ARHGEF10: variants seen among roughly 807,000 people sequenced by gnomAD.
ARHGEF10 encodes Rho guanine nucleotide exchange factor 10, also known as Rho guanine nucleotide exchange factor (GEF) 10.
In ARHGEF10, 140 loss-of-function variants were observed where a neutral mutation model predicts 147.4. That is an observed-to-expected ratio of 0.95 (90% CI 0.83 to 1.09). ARHGEF10 has a LOEUF of 1.09. Ranked by LOEUF, ARHGEF10 falls within the 50% of genes least tolerant of loss-of-function variation. The pLI is 0.00. For synonymous variants in ARHGEF10, 902 were observed against 695.8 expected, an observed-to-expected ratio of 1.30 and a Z score of -4.67; for missense variants, 2,222 against 1,752.7, an observed-to-expected ratio of 1.27 and a Z score of -4.78.
chr8:1,826,036 GTC>G (rs1435302071), intron 1 of ARHGEF10: 63 of 1,362,494 alleles, frequency 4.6e-5, no homozygotes, highest in Non-Finnish European at 6.2e-5. Flanking sequence ...GTCCCTGTCT[GTC>G]TCTCACAGCA....
chr8:1,832,658 A>AGAGACAGAGGCAGAGG, intron 1 of ARHGEF10, among the ~76,000 whole-genome samples: 3 of 83,818 alleles, frequency 3.6e-5, no homozygotes, highest in Non-Finnish European at 5.1e-5. Flanking sequence ...ACAGAGAGAG[A>AGAGACAGAGGCAGAGG]CAGAGGCAGA....
intron 2 of ARHGEF10, among the ~76,000 whole-genome samples, chr8:1,845,298 CT>C (rs1742259656): frequency 1.3e-5 from 2 of 152,216 alleles, no homozygotes; most frequent in Admixed American, 6.5e-5. Flanking sequence ...CAGGGGCCCC[CT>C]CCCGCCTCCC....
intron 1 of ARHGEF10, among the ~76,000 whole-genome samples, chr8:1,836,379 C>T (rs2129043147): frequency 6.6e-6 from 1 of 152,276 alleles, no homozygotes; most frequent in Non-Finnish European, 1.5e-5. Flanking sequence ...TCCATCTCAC[C>T]TGCACCAGGG....
At chr8:1,847,543 G>A (rs1483169488) in intron 2 of ARHGEF10, among the ~76,000 whole-genome samples, 1 of 152,030 alleles carries the variant, frequency 6.6e-6, no homozygotes, top group East Asian at 1.9e-4. Flanking sequence ...AATGAGCTCA[G>A]ACAGACGCCA....
chr8:1,914,577 A>T (rs543181296), intron 18 of ARHGEF10, among the ~76,000 whole-genome samples: 2 of 152,320 alleles, frequency 1.3e-5, no homozygotes, highest in South Asian at 4.1e-4. Context: ...AGGTGAGAGG[A>T]CAGGCACAGC....
intron 11 of ARHGEF10, among the ~76,000 whole-genome samples, chr8:1,891,045 T>C (rs1238372777): frequency 6.6e-6 from 1 of 152,208 alleles, no homozygotes; most frequent in African/African-American, 2.4e-5. Flanking sequence ...GGGTGGATTT[T>C]AATGTCTATT....
intron 20 of ARHGEF10, 69 bp from the exon 21 acceptor site, chr8:1,923,705 A>T: frequency 6.2e-7 from 1 of 1,613,452 alleles, no homozygotes; most frequent in South Asian, 1.1e-5. Context: ...GACAGGCAAA[A>T]TGTGTAATTT....
intron 2 of ARHGEF10, among the ~76,000 whole-genome samples, chr8:1,850,188 C>CATT (rs1804985654): frequency 8.6e-6 from 1 of 116,302 alleles, no homozygotes; most frequent in African/African-American, 3.0e-5. Context: ...CTGAGGAGGG[C>CATT]GTGGGGCGGC....
chr8:1,841,861 CTGGGG>C (rs1804074154), intron 1 of ARHGEF10, among the ~76,000 whole-genome samples: 1 of 121,762 alleles, frequency 8.2e-6, no homozygotes, highest in Non-Finnish European at 1.8e-5. Context: ...GCGGCGGGAA[CTGGGG>C]CCGCGGCGGG....
chr8:1,893,250 A>T (rs1003993270), intron 11 of ARHGEF10, among the ~76,000 whole-genome samples: 1 of 152,208 alleles, frequency 6.6e-6, no homozygotes, highest in African/African-American at 2.4e-5. Flanking sequence ...CATCTACCTG[A>T]ATGTTGGATA....
chr8:1,860,604 C>T (rs1806049361), intron 4 of ARHGEF10, among the ~76,000 whole-genome samples: 1 of 152,152 alleles, frequency 6.6e-6, no homozygotes, highest in South Asian at 2.1e-4. Flanking sequence ...ACAGGAACAC[C>T]ACTGAGGGAA....
At chr8:1,885,503 C>T in intron 10 of ARHGEF10, 98 bp from the exon 11 acceptor site, 1 of 859,720 alleles carries the variant, frequency 1.2e-6, no homozygotes, top group Non-Finnish European at 1.9e-6. Context: ...ATTGAAAGGT[C>T]TACACAAAAT....
intron 11 of ARHGEF10, among the ~76,000 whole-genome samples, chr8:1,893,117 C>G (rs536542854): frequency 3.6e-4 from 49 of 136,190 alleles, no homozygotes; most frequent in Non-Finnish European, 6.6e-4. Context: ...AAAAAAGATT[C>G]CTCCACATTC....
intron 11 of ARHGEF10, among the ~76,000 whole-genome samples, chr8:1,887,602 G>A (rs1263862013): frequency 6.7e-6 from 1 of 150,070 alleles, no homozygotes; most frequent in African/African-American, 2.5e-5. Flanking sequence ...TCTGTGAGAA[G>A]TCCCTGAGCA....
chr8:1,847,829 A>G lies in ARHGEF10; in HGVS notation c.37+4393A>G, dbSNP rs555000858. On this transcript the variant is annotated intron_variant, in intron 2 of 28. Coordinates refer to ENST00000349830, the MANE Select transcript of ARHGEF10 (RefSeq NM_014629.4). Reference sequence around the variant, plus strand: ...AAATCATATCCCGAGTTAAACCTTCATATGAGAATCAAACATGCTCTTCCA... The same window carrying G: ...AAATCATATCCCGAGTTAAACCTTCGTATGAGAATCAAACATGCTCTTCCA... Among the ~76,000 whole-genome samples the G allele has an allele frequency of 1.5e-4, 23 of 152,394 alleles. No homozygotes were observed. In the South Asian group the frequency reaches 4.8e-3, roughly 32 times the overall value.
chr8:1,888,342 A>G (rs1330880826), intron 11 of ARHGEF10, among the ~76,000 whole-genome samples: 1 of 106,036 alleles, frequency 9.4e-6, no homozygotes, highest in East Asian at 3.4e-4. Context: ...CTGTGAGGAG[A>G]CACTGAGTGG....
intron 6 of ARHGEF10, among the ~76,000 whole-genome samples, chr8:1,868,137 TGTG>T (rs1407737559): frequency 6.6e-6 from 1 of 152,242 alleles, no homozygotes; most frequent in Non-Finnish European, 1.5e-5. Flanking sequence ...AAATCTTTAC[TGTG>T]GTTGCAGATA....
At chr8:1,843,323 G>C in intron 1 of ARHGEF10, 30 bp from the exon 2 acceptor site, 1 of 1,579,106 alleles carries the variant, frequency 6.3e-7, no homozygotes, top group Non-Finnish European at 8.7e-7. Context: ...CCACCTGAAC[G>C]GTGACAAGCA....
chr8:1,905,486 G>A, intron 16 of ARHGEF10, 85 bp from the exon 17 acceptor site: 3 of 1,561,390 alleles, frequency 1.9e-6, no homozygotes, highest in South Asian at 1.1e-5. Flanking sequence ...AAGTCACCCT[G>A]AGACTCCATA....
Sources: gnomAD v4.1 joint callset for allele counts (sites outside exome capture counted in the v4.1 genomes callset) on GRCh38, gnomAD v4.1.1 for gene constraint, MANE v1.5 for transcripts, NCBI Gene and HGNC (gene_info 2026-07-23, HGNC 2026-07-21) for gene names.